Variants in ZNF654 observed in about 807,000 individuals in gnomAD.
ZNF654 encodes the protein zinc finger protein 654.
ZNF654 carries 19 observed loss-of-function variants against 95.3 expected under a neutral mutation model. The observed-to-expected ratio is 0.20, with a 90% CI of 0.14 to 0.29. ZNF654 has a LOEUF of 0.29. Ranked by LOEUF, ZNF654 falls within the 10% of genes least tolerant of loss-of-function variation. The pLI, the probability that ZNF654 is intolerant of heterozygous loss-of-function variation, is 1.00. For missense variants in ZNF654, 1,046 were observed against 1,341.0 expected (o/e 0.78, Z 3.44); for synonymous variants, 413 against 457.9 (o/e 0.90, Z 1.25).
At chr3:88,136,405 T>G (rs1706786348) in intron 7 of ZNF654, among the ~76,000 whole-genome samples, 1 of 152,180 alleles carries the variant, frequency 6.6e-6, no homozygotes, top group Non-Finnish European at 1.5e-5. Flanking sequence ...TAAAAAGACT[T>G]TTATTTGTTG....
At chr3:88,083,128 A>G (rs1708167185) in intron 1 of ZNF654, among the ~76,000 whole-genome samples, 1 of 151,270 alleles carries the variant, frequency 6.6e-6, no homozygotes, top group Non-Finnish European at 1.5e-5. Flanking sequence ...CACCTTTATG[A>G]CCTCATTTAA....
chr3:88,120,534 G>T (rs1397198201), intron 3 of ZNF654, among the ~76,000 whole-genome samples: 3 of 152,052 alleles, frequency 2.0e-5, no homozygotes, highest in Non-Finnish European at 2.9e-5. Flanking sequence ...TCAGGAGATG[G>T]TGAAGAAAAT....
Position 88,128,265 on chromosome 3 carries a change from T to C in ZNF654, c.551-544T>C, listed in dbSNP as rs1706238130. ...TTAGTAATACATAAATGTATATTAATAAGCAGTCCTATTTGGCACTACTTT... is the reference window on the plus strand; with the variant it reads ...TTAGTAATACATAAATGTATATTAACAAGCAGTCCTATTTGGCACTACTTT... On this transcript the variant is annotated intron_variant, in intron 4 of 8. Transcript: ENST00000636215. 3.9e-5 allele frequency among the ~76,000 whole-genome samples: 6 copies of C among 152,282 alleles called. No individual in the cohort carries two copies. The South Asian group carries it at 1.0e-3, about 26-fold the overall frequency.
chr3:88,095,938 A>G (rs1336719562), intron 2 of ZNF654: 2 of 360,920 alleles, frequency 5.5e-6, no homozygotes, highest in African/African-American at 2.2e-5. Flanking sequence ...TTCTCTGATG[A>G]AATGTTAGCT....
chr3:88,078,041 T>G (rs1382342567), intron 1 of ZNF654, among the ~76,000 whole-genome samples: 1 of 152,198 alleles, frequency 6.6e-6, no homozygotes, highest in Non-Finnish European at 1.5e-5. Flanking sequence ...AAAACATGCT[T>G]AATATGCTAA....
intron 7 of ZNF654, among the ~76,000 whole-genome samples, chr3:88,137,453 A>G (rs1023795925): frequency 6.6e-6 from 1 of 152,188 alleles, no homozygotes; most frequent in Admixed American, 6.5e-5. Flanking sequence ...TTCAGAGGTT[A>G]CTATGTACCA....
chr3:88,066,554 T>C (rs1707209198), intron 1 of ZNF654, among the ~76,000 whole-genome samples: 1 of 151,928 alleles, frequency 6.6e-6, no homozygotes, highest in Non-Finnish European at 1.5e-5. Flanking sequence ...AGAGCGAGAC[T>C]GTGTAAAACA....
intron 1 of ZNF654, among the ~76,000 whole-genome samples, chr3:88,064,003 T>C (rs1363760208): frequency 6.6e-6 from 1 of 152,194 alleles, no homozygotes; most frequent in African/African-American, 2.4e-5. Flanking sequence ...CTGAAAAGAA[T>C]GTTAGGAAAT....
intron 1 of ZNF654, among the ~76,000 whole-genome samples, chr3:88,073,920 AC>A (rs1362901066): frequency 6.6e-6 from 1 of 152,224 alleles, no homozygotes; most frequent in Admixed American, 6.5e-5. Context: ...ATGTCTCAGT[AC>A]TTAAGAGTAT....
Position 88,059,265 on chromosome 3 carries a change from T to C in ZNF654, c.-55T>C, listed in dbSNP as rs533684805. ...GAGGAGGAGGAGGTTAGCCTAGGCA[T>C]CTACGGCGGCGGCGGCGGCGCAGGG... On this transcript the variant is annotated 5_prime_UTR_variant, in exon 1 of 9. Coordinates refer to ENST00000636215, the MANE Select transcript of ZNF654 (RefSeq NM_001350134.2). 25 of 1,531,802 alleles carry C rather than the reference T, an allele frequency of 1.6e-5. No homozygotes were observed. The highest frequency in any genetic ancestry group is 2.2e-5 in the Non-Finnish European group (25 of 1,145,726). The allele number at this position is 1,531,802 out of a possible 1,614,324, so 94.9% of individuals were successfully genotyped here. A position where few individuals can be genotyped will look rare whatever the true frequency, so the allele number is the denominator to read the frequency against.
chr3:88,099,992 A>C (rs1704311261), intron 2 of ZNF654, among the ~76,000 whole-genome samples: 1 of 152,222 alleles, frequency 6.6e-6, no homozygotes. Flanking sequence ...ATTTAACTAA[A>C]GAGCTTCTGC....
chr3:88,091,174 C>T (rs954243565), intron 2 of ZNF654, among the ~76,000 whole-genome samples: 1 of 152,166 alleles, frequency 6.6e-6, no homozygotes, highest in Non-Finnish European at 1.5e-5. Context: ...ATGCATTTCT[C>T]AGAACATATC....
At chr3:88,061,301 C>T (rs1304240649) in intron 1 of ZNF654, among the ~76,000 whole-genome samples, 1 of 152,082 alleles carries the variant, frequency 6.6e-6, no homozygotes, top group Non-Finnish European at 1.5e-5. Flanking sequence ...ATTTAGCCTG[C>T]AAAACACAGT....
chr3:88,088,909 AT>A (rs1442656064), intron 2 of ZNF654, among the ~76,000 whole-genome samples: 1 of 151,574 alleles, frequency 6.6e-6, no homozygotes, highest in African/African-American at 2.4e-5. Flanking sequence ...AGTAGCTGGG[AT>A]GACAGGCACC....
chr3:88,074,412 G>C (rs1242925851), intron 1 of ZNF654, among the ~76,000 whole-genome samples: 1 of 148,592 alleles, frequency 6.7e-6, no homozygotes, highest in Admixed American at 6.8e-5. Context: ...CTTGATCTCA[G>C]CTCACTGCAA....
intron 2 of ZNF654, among the ~76,000 whole-genome samples, chr3:88,100,887 C>T (rs563190791): frequency 2.8e-4 from 42 of 152,222 alleles, no homozygotes; most frequent in African/African-American, 9.4e-4. Context: ...TGCAGCACAC[C>T]AACATGGCAC....
At chr3:88,094,653 TTTATTCTTTAAAAG>T (rs935838029) in intron 2 of ZNF654, among the ~76,000 whole-genome samples, 19 of 152,170 alleles carry the variant, frequency 1.2e-4, no homozygotes, top group African/African-American at 4.1e-4. Context: ...TAGGAAGATC[TTTATTCTTTAAAAG>T]TTATTCTTTA....
At chr3:88,119,892 T>G (rs1010803540) in intron 3 of ZNF654, among the ~76,000 whole-genome samples, 1 of 152,156 alleles carries the variant, frequency 6.6e-6, no homozygotes, top group African/African-American at 2.4e-5. Flanking sequence ...AGTTGATGGT[T>G]TTACCGTAGT....
Position 88,100,621 on chromosome 3 carries a change from G to T in ZNF654, c.333-12494G>T, listed in dbSNP as rs60100129. Among the ~76,000 whole-genome samples, 466 of 152,218 alleles carry T rather than the reference G, an allele frequency of 3.1e-3. 3 individuals carry two copies. The highest frequency in any genetic ancestry group is 0.011 in the African/African-American group (448 of 41,536). On this transcript the variant is annotated intron_variant, in intron 2 of 8. Transcript: ENST00000636215. Reference sequence around the variant, plus strand: ...GTGGCACATATACACCATGGAATACGATGCAGCCATAAAAAGGATGAGTTC... The same window carrying T: ...GTGGCACATATACACCATGGAATACTATGCAGCCATAAAAAGGATGAGTTC...
Sources: gnomAD v4.1 joint callset for allele counts (sites outside exome capture counted in the v4.1 genomes callset) on GRCh38, gnomAD v4.1.1 for gene constraint, MANE v1.5 for transcripts, NCBI Gene and HGNC (gene_info 2026-07-23, HGNC 2026-07-21) for gene names.